Variants in ACBD6 observed in about 807,000 individuals in gnomAD.
ACBD6 encodes the protein acyl-CoA-binding domain-containing protein 6.
A neutral mutation model predicts 37.2 loss-of-function variants in ACBD6; 28 were observed. The ratio of observed to expected loss-of-function variants is 0.75; its 90% confidence interval spans 0.56 to 1.03. The LOEUF is 1.03. ACBD6 is among the 50% of genes least tolerant of loss of function. ACBD6 has a pLI of 0.00. For missense variants in ACBD6, 340 were observed against 337.4 expected (o/e 1.01, Z -0.06); for synonymous variants, 113 against 126.8 (o/e 0.89, Z 0.73).
intron 10 of ACBD6, chr1:180,274,280 A>G: frequency 1.9e-6 from 3 of 1,614,230 alleles, no homozygotes; most frequent in African/African-American, 1.3e-5. Flanking sequence ...GAGCTTCTCC[A>G]TGGACGGGAC....
chr1:180,501,062 C>G (rs1373519016), intron 1 of ACBD6, among the ~76,000 whole-genome samples: 2 of 152,124 alleles, frequency 1.3e-5, no homozygotes, highest in African/African-American at 4.8e-5. Flanking sequence ...CTCCCTATTT[C>G]CAGGTAAAGT....
At chr1:180,292,511 G>A (rs1429147044) in intron 7 of ACBD6, among the ~76,000 whole-genome samples, 4 of 151,728 alleles carry the variant, frequency 2.6e-5, no homozygotes, top group South Asian at 2.1e-4. Context: ...TGGTGTTTTC[G>A]AATTTTAATT....
At chr1:180,383,688 A>G (rs763386303) in intron 6 of ACBD6, among the ~76,000 whole-genome samples, 1 of 152,212 alleles carries the variant, frequency 6.6e-6, no homozygotes, top group Non-Finnish European at 1.5e-5. Flanking sequence ...TGTGTATGGA[A>G]CCAGAAAAGA....
At chr1:180,299,720 G>C (rs968924758) in intron 7 of ACBD6, among the ~76,000 whole-genome samples, 1 of 152,086 alleles carries the variant, frequency 6.6e-6, no homozygotes, top group Non-Finnish European at 1.5e-5. Context: ...GCACGTGCAA[G>C]GAAAAGCCTT....
chr1:180,467,567 C>T (rs1650401468), intron 3 of ACBD6, among the ~76,000 whole-genome samples: 1 of 151,662 alleles, frequency 6.6e-6, no homozygotes. Context: ...AGGAGAACCA[C>T]TTAAGCCCAG....
intron 7 of ACBD6, among the ~76,000 whole-genome samples, chr1:180,292,680 A>G (rs1649760700): frequency 6.6e-6 from 1 of 151,808 alleles, no homozygotes; most frequent in African/African-American, 2.4e-5. Flanking sequence ...GAGAAAAGGA[A>G]GTTTTATTTC....
chr1:180,279,734 G>C (rs543437704), intron 9 of ACBD6, among the ~76,000 whole-genome samples: 1 of 152,150 alleles, frequency 6.6e-6, no homozygotes, highest in Admixed American at 6.5e-5. Flanking sequence ...ACATTTTCCA[G>C]GAGAATCTCC....
At chr1:180,305,166 T>C (rs764197106) in intron 7 of ACBD6, among the ~76,000 whole-genome samples, 5 of 152,136 alleles carry the variant, frequency 3.3e-5, no homozygotes, top group Non-Finnish European at 7.3e-5. Context: ...ACCTAGGCAA[T>C]ACCATTCAGG....
intron 4 of ACBD6, among the ~76,000 whole-genome samples, chr1:180,418,045 A>AAGT (rs1648170418): frequency 1.6e-4 from 2 of 12,680 alleles, no homozygotes; most frequent in Non-Finnish European, 2.6e-4. Flanking sequence ...TCAAAGTCTA[A>AAGT]TGTTCTTTTT....
chr1:180,469,783 C>T (rs1355047966), intron 3 of ACBD6, among the ~76,000 whole-genome samples: 2 of 152,186 alleles, frequency 1.3e-5, no homozygotes, highest in Admixed American at 1.3e-4. Context: ...TCCTCAGCAA[C>T]ACTAACATTG....
chr1:180,429,905 T>C (rs1403417270), intron 4 of ACBD6, among the ~76,000 whole-genome samples: 2 of 152,084 alleles, frequency 1.3e-5, no homozygotes, highest in African/African-American at 4.8e-5. Flanking sequence ...TGAAAAGTAA[T>C]TATTATCACT....
intron 6 of ACBD6, among the ~76,000 whole-genome samples, chr1:180,327,255 G>A (rs1023347786): frequency 6.6e-6 from 1 of 152,146 alleles, no homozygotes; most frequent in Non-Finnish European, 1.5e-5. Context: ...CTATGTGTGG[G>A]TGCTGGCTGA....
chr1:180,498,587 C>T (rs1651823606), intron 1 of ACBD6, among the ~76,000 whole-genome samples: 1 of 152,140 alleles, frequency 6.6e-6, no homozygotes, highest in South Asian at 2.1e-4. Context: ...GGCACGGTGG[C>T]TCATGCCTGT....
intron 12 of ACBD6, chr1:180,272,917 C>T (rs1394200659): frequency 6.6e-6 from 1 of 152,248 alleles, no homozygotes; most frequent in East Asian, 1.9e-4. Flanking sequence ...TGATCGTTCC[C>T]ACAGGGAGCG....
intron 6 of ACBD6, among the ~76,000 whole-genome samples, chr1:180,331,352 T>TA (rs1651473950): frequency 6.6e-6 from 1 of 152,298 alleles, no homozygotes; most frequent in Middle Eastern, 3.4e-3. Flanking sequence ...CCAAATAACT[T>TA]AGATAGCCAT....
At chr1:180,333,857 CAGG>C (rs1458852658) in intron 6 of ACBD6, among the ~76,000 whole-genome samples, 2 of 152,228 alleles carry the variant, frequency 1.3e-5, no homozygotes, top group African/African-American at 4.8e-5. Context: ...AACAGCACAC[CAGG>C]AGATTATATC....
At chr1:180,293,941 C>T (rs1385896267) in intron 7 of ACBD6, among the ~76,000 whole-genome samples, 3 of 151,922 alleles carry the variant, frequency 2.0e-5, no homozygotes, top group African/African-American at 7.3e-5. Context: ...GTTGCCCAGG[C>T]TGGAGTGCAG....
intron 3 of ACBD6, among the ~76,000 whole-genome samples, chr1:180,492,053 C>T (rs1280139941): frequency 1.3e-5 from 2 of 152,182 alleles, no homozygotes; most frequent in African/African-American, 2.4e-5. Context: ...AGGTGAACCA[C>T]CTGGCTTGGC....
chr1:180,372,110 C>T (rs1187433092), intron 6 of ACBD6, among the ~76,000 whole-genome samples: 3 of 152,120 alleles, frequency 2.0e-5, no homozygotes, highest in Non-Finnish European at 2.9e-5. Flanking sequence ...CATAAAAGAA[C>T]AACCAAGATT....
Sources: allele counts gnomAD v4.1 joint callset (sites outside exome capture counted in the v4.1 genomes callset), GRCh38; gene constraint gnomAD v4.1.1; transcripts MANE v1.5; gene names NCBI Gene and HGNC (gene_info 2026-07-23, HGNC 2026-07-21).